The following COG5 variants were observed in gnomAD, a reference collection of about 807,000 sequenced individuals.
The protein encoded by COG5 is component of oligomeric golgi complex 5, also known as conserved oligomeric Golgi complex subunit 5.
A neutral mutation model predicts 110.4 loss-of-function variants in COG5; 86 were observed. The observed-to-expected ratio is 0.78, with a 90% confidence interval of 0.65 to 0.93. COG5 has a LOEUF of 0.93. Among genes scored for constraint, COG5 ranks in the 40% least tolerant of loss-of-function variants. The pLI is 0.00. For synonymous variants in COG5, 360 were observed against 334.6 expected (o/e 1.08, Z -0.83); for missense variants, 1,077 against 987.0 (o/e 1.09, Z -1.22).
At chr7:107,546,052 A>C (rs994839127) in intron 5 of COG5, among the ~76,000 whole-genome samples, 3 of 152,148 alleles carry the variant, frequency 2.0e-5, no homozygotes, top group Admixed American at 6.5e-5. Context: ...TTAAACTAGA[A>C]ATCAATAAAG....
intron 6 of COG5, among the ~76,000 whole-genome samples, chr7:107,507,297 CT>C (rs10713224): frequency 0.34 from 44,572 of 131,194 alleles, 6,266 homozygotes; most frequent in East Asian, 0.44. Context: ...CTTTTCTTTT[CT>C]TTTTTTTTTT....
chr7:107,216,876 A>G (rs1799570284), intron 19 of COG5, among the ~76,000 whole-genome samples: 2 of 152,296 alleles, frequency 1.3e-5, no homozygotes, highest in Admixed American at 1.3e-4. Context: ...AAGGAAAACA[A>G]TTCAAAGATC....
intron 7 of COG5, among the ~76,000 whole-genome samples, chr7:107,389,521 G>A (rs180815566): frequency 2.5e-4 from 38 of 152,310 alleles, no homozygotes; most frequent in African/African-American, 7.2e-4. Context: ...AATCAATGCC[G>A]CTTTCCCAAA....
At chr7:107,365,180 C>T (rs1813491662) in intron 8 of COG5, among the ~76,000 whole-genome samples, 1 of 151,956 alleles carries the variant, frequency 6.6e-6, no homozygotes, top group South Asian at 2.1e-4. Context: ...ACTCAAGAAA[C>T]AAAATAGTCT....
intron 5 of COG5, among the ~76,000 whole-genome samples, chr7:107,541,513 AAAAAAAAAAAAT>A (rs1801997979): frequency 1.0e-5 from 1 of 98,114 alleles, no homozygotes; most frequent in Non-Finnish European, 2.3e-5. Context: ...AAAAAAAAAA[AAAAAAAAAAAAT>A]ATATATATAT....
intron 1 of COG5, chr7:107,563,469 C>A (rs2129183690): frequency 2.4e-6 from 1 of 413,216 alleles, no homozygotes; most frequent in Middle Eastern, 7.6e-4. Flanking sequence ...TCGTCAAGAA[C>A]TGCGGCAGCA....
intron 6 of COG5, among the ~76,000 whole-genome samples, chr7:107,424,724 T>C (rs917415036): frequency 1.3e-5 from 2 of 152,174 alleles, no homozygotes; most frequent in African/African-American, 4.8e-5. Flanking sequence ...CATTATACCT[T>C]TTTTGACAGA....
At chr7:107,211,281 TG>T (rs1391611023) in intron 19 of COG5, 56 bp from the exon 20 acceptor site, 46 of 1,582,772 alleles carry the variant, frequency 2.9e-5, no homozygotes, top group Non-Finnish European at 2.3e-5. Context: ...ATAGGTGATT[TG>T]GTGGGAGAAT....
At chr7:107,281,183 A>G in intron 14 of COG5, 117 bp downstream of exon 14, 1 of 773,912 alleles carries the variant, frequency 1.3e-6, no homozygotes, top group Admixed American at 2.5e-5. Context: ...AACTTTCACT[A>G]CAGTAAAAAT....
chr7:107,326,787 A>G (rs886383642), intron 10 of COG5, among the ~76,000 whole-genome samples: 3 of 152,198 alleles, frequency 2.0e-5, no homozygotes, highest in African/African-American at 7.2e-5. Flanking sequence ...TACTAAAATT[A>G]ATAGAGAATC....
At position 107,201,579 on chromosome 7, in the gene COG5, T is replaced by C; in HGVS notation, c.*1937A>G. The C allele has an allele frequency of 4.3e-6, 2 of 466,662 alleles. No individual in the cohort carries two copies. The highest frequency in any genetic ancestry group is 7.9e-6 in the Non-Finnish European group (2 of 253,546). The allele number at this position is 466,662 out of a possible 1,614,324, so 28.9% of individuals were successfully genotyped here. A position where few individuals can be genotyped will look rare whatever the true frequency, so the allele number is the denominator to read the frequency against. ...ATTGAGTCTTGAAATGATTTAATAA[T>C]ATGAGTGAGGATTTGCTTTCTCCAT... On this transcript the variant is annotated 3_prime_UTR_variant, in exon 22 of 22. Coordinates refer to ENST00000297135, the MANE Select transcript of COG5 (RefSeq NM_006348.5).
At chr7:107,394,797 T>C (rs766588193) in intron 7 of COG5, among the ~76,000 whole-genome samples, 1 of 152,192 alleles carries the variant, frequency 6.6e-6, no homozygotes, top group Admixed American at 6.5e-5. Flanking sequence ...GGGCCCACAG[T>C]GGATAATACC....
chr7:107,401,746 TGA>T (rs947754657), intron 7 of COG5, among the ~76,000 whole-genome samples: 2 of 152,146 alleles, frequency 1.3e-5, no homozygotes, highest in African/African-American at 2.4e-5. Context: ...GTATAATCCA[TGA>T]GACAAGTCAG....
chr7:107,244,241 GA>G (rs767223576), intron 17 of COG5, among the ~76,000 whole-genome samples: 1 of 152,146 alleles, frequency 6.6e-6, no homozygotes, highest in Non-Finnish European at 1.5e-5. Flanking sequence ...AACACAGCAA[GA>G]CTCCATCTCA....
chr7:107,293,308 T>G (rs930559240), intron 12 of COG5, among the ~76,000 whole-genome samples: 3 of 152,168 alleles, frequency 2.0e-5, no homozygotes, highest in African/African-American at 7.2e-5. Context: ...AGCAGCTTTC[T>G]GCTGAGGTCA....
At chr7:107,249,337 G>A (rs545723546) in intron 16 of COG5, among the ~76,000 whole-genome samples, 5 of 151,912 alleles carry the variant, frequency 3.3e-5, no homozygotes, top group African/African-American at 4.8e-5. Flanking sequence ...AACATCTTAC[G>A]GAATACAGAA....
rs1799115338 is a variant in COG5, at chr7:107,210,960, C to A, written c.2295+139G>T. The A allele has an allele frequency of 1.7e-5, 18 of 1,051,694 alleles. No individual in the cohort carries two copies. In the South Asian group the frequency reaches 2.3e-4, roughly 14 times the overall value. 65.1% of individuals were successfully genotyped at this position (1,051,694 alleles called of 1,614,324 possible). ...AGTGGGAGTTTTCCTTTTCTAATAT[C>A]TATTCACTGTCAAAGATAGACATAA... On this transcript the variant is annotated intron_variant, in intron 20 of 21. Coordinates refer to ENST00000297135, the MANE Select transcript of COG5 (RefSeq NM_006348.5).
At chr7:107,254,419 C>T (rs1304386012) in intron 16 of COG5, among the ~76,000 whole-genome samples, 1 of 151,874 alleles carries the variant, frequency 6.6e-6, no homozygotes, top group Non-Finnish European at 1.5e-5. Context: ...TAAGTCATAA[C>T]AGTTTTTTAT....
Position 107,412,561 on chromosome 7 carries a change from C to A in COG5, c.610G>T (p.Ala204Ser). The change falls in exon 7 of 22, where the codon GCC becomes TCC. Residue 204 changes from alanine to serine, a missense_variant. Physicochemically the swap from Ala to Ser is moderately conservative, Grantham distance 99 (BLOSUM62 1). Transcript: ENST00000297135. ...GCTTGATTTTCCACTTCAAGTCGGG[C>A]TCTTGCAATAAAAAGTAGATCATTT... is the stretch of plus-strand genomic sequence containing the variant. ...IENDLLFIAR[A>S]RLEVENQAKR... The A allele has an allele frequency of 6.2e-7, 1 of 1,611,776 alleles. No homozygotes were observed. Among genetic ancestry groups the A allele is most frequent in the Non-Finnish European group, 8.5e-7 (1 of 1,178,510 alleles).
Sources: gnomAD v4.1 joint callset for allele counts (sites outside exome capture counted in the v4.1 genomes callset) on GRCh38, gnomAD v4.1.1 for gene constraint, MANE v1.5 for transcripts, NCBI Gene and HGNC (gene_info 2026-07-23, HGNC 2026-07-21) for gene names.